SMAP1: variants seen among roughly 807,000 people sequenced by gnomAD.
SMAP1 encodes stromal membrane-associated protein 1.
Under a neutral mutation model 58.5 loss-of-function variants are expected in SMAP1, and 24 were observed. The ratio of observed to expected loss-of-function variants is 0.41; its 90% CI spans 0.30 to 0.58. SMAP1 has a LOEUF of 0.58. Among genes scored for constraint, SMAP1 ranks in the 20% least tolerant of loss-of-function variants. The pLI is 0.29. For missense variants in SMAP1, 563 were observed against 566.3 expected (o/e 0.99, Z 0.06); for synonymous variants, 216 against 196.6 (o/e 1.10, Z -0.82).
chr6:70,861,492 G>A lies in SMAP1; in HGVS notation c.*1158G>A. ...ACATTTTGTACCAACCATCCAATTAGCTTATGTTAACTGACAAGCTCCATT... is the reference window on the plus strand; with the variant it reads ...ACATTTTGTACCAACCATCCAATTAACTTATGTTAACTGACAAGCTCCATT... On this transcript the variant is annotated 3_prime_UTR_variant, in exon 11 of 11. Transcript: ENST00000370455. 1.6e-6 allele frequency: 1 copy of A among 612,574 alleles called. No homozygotes were observed. Among genetic ancestry groups the A allele is most frequent in the East Asian group, 2.8e-5 (1 of 36,004 alleles). The allele number at this position is 612,574 out of a possible 1,614,324, so 37.9% of individuals were successfully genotyped here. A position where few individuals can be genotyped will look rare whatever the true frequency, so the allele number is the denominator to read the frequency against.
intron 7 of SMAP1, chr6:70,838,010 T>A (rs1474992000): frequency 1.2e-6 from 1 of 843,558 alleles, no homozygotes; most frequent in East Asian, 1.2e-4. Flanking sequence ...AGTTGTGTAT[T>A]AGAAATATAA....
intron 6 of SMAP1, among the ~76,000 whole-genome samples, chr6:70,835,460 T>C (rs944197000): frequency 6.6e-6 from 1 of 152,136 alleles, no homozygotes; most frequent in African/African-American, 2.4e-5. Context: ...GAAGAAATGA[T>C]CTTGAAATGG....
chr6:70,842,952 G>T (rs749614196), intron 7 of SMAP1, among the ~76,000 whole-genome samples: 3 of 152,118 alleles, frequency 2.0e-5, no homozygotes, highest in Non-Finnish European at 4.4e-5. Flanking sequence ...CCCAGGGTAC[G>T]CTTGGTCAGA....
intron 1 of SMAP1, among the ~76,000 whole-genome samples, chr6:70,727,985 C>T (rs1341175460): frequency 1.3e-5 from 2 of 152,068 alleles, no homozygotes; most frequent in African/African-American, 4.8e-5. Context: ...ATCACTTGAG[C>T]CTGGGAGGCA....
chr6:70,706,702 G>A (rs528459264), intron 1 of SMAP1, among the ~76,000 whole-genome samples: 14 of 152,150 alleles, frequency 9.2e-5, no homozygotes, highest in South Asian at 4.1e-4. Flanking sequence ...TTAAACTTTC[G>A]TTGTACCACC....
chr6:70,769,281 G>A (rs1767157481), intron 3 of SMAP1, among the ~76,000 whole-genome samples: 1 of 152,162 alleles, frequency 6.6e-6, no homozygotes. Context: ...TTGGTGCAGA[G>A]CTGAGTTCAA....
At chr6:70,702,132 A>T (rs1402553932) in intron 1 of SMAP1, among the ~76,000 whole-genome samples, 1 of 151,910 alleles carries the variant, frequency 6.6e-6, no homozygotes, top group East Asian at 1.9e-4. Flanking sequence ...GCTTCTTTTA[A>T]GATTTTTTTC....
At chr6:70,859,309 A>G in intron 10 of SMAP1, 1 of 1,536,728 alleles carries the variant, frequency 6.5e-7, no homozygotes, top group South Asian at 1.2e-5. Context: ...GAAGGAGTTA[A>G]TACTGGCTCT....
chr6:70,843,622 T>C (rs529984109), intron 7 of SMAP1, among the ~76,000 whole-genome samples: 1 of 152,204 alleles, frequency 6.6e-6, no homozygotes, highest in Non-Finnish European at 1.5e-5. Context: ...AATAAAACTC[T>C]AACAGGTGAG....
chr6:70,669,934 C>CT (rs1467879047), intron 1 of SMAP1, among the ~76,000 whole-genome samples: 1 of 151,760 alleles, frequency 6.6e-6, no homozygotes, highest in Non-Finnish European at 1.5e-5. Context: ...TTTTTAAAAG[C>CT]CATTATTAAC....
chr6:70,808,521 A>T (rs567716854), intron 6 of SMAP1, among the ~76,000 whole-genome samples: 5 of 152,308 alleles, frequency 3.3e-5, no homozygotes, highest in African/African-American at 1.2e-4. Context: ...TCAGGTGGAG[A>T]GCCAGGCTCC....
intron 6 of SMAP1, among the ~76,000 whole-genome samples, chr6:70,821,573 T>C (rs1769893081): frequency 6.6e-6 from 1 of 152,176 alleles, no homozygotes; most frequent in Non-Finnish European, 1.5e-5. Flanking sequence ...GAAAAAATAT[T>C]GACTACTACG....
At chr6:70,785,996 C>T (rs1260640018) in intron 4 of SMAP1, among the ~76,000 whole-genome samples, 1 of 152,094 alleles carries the variant, frequency 6.6e-6, no homozygotes, top group African/African-American at 2.4e-5. Context: ...AGAGACACAA[C>T]CAAAAAAGAG....
At chr6:70,719,790 A>G (rs1167521043) in intron 1 of SMAP1, among the ~76,000 whole-genome samples, 1 of 152,158 alleles carries the variant, frequency 6.6e-6, no homozygotes, top group Non-Finnish European at 1.5e-5. Flanking sequence ...CATGAGACTT[A>G]TTAACTATAA....
chr6:70,846,429 G>A lies in SMAP1; in HGVS notation c.665-6111G>A, dbSNP rs538784997. ...GGGGCTATAAAAGTGGTGCCAGCGA[G>A]GAGTAAAGAGGCTTCTGGAGTACTG... On this transcript the variant is annotated intron_variant, in intron 7 of 10. Coordinates refer to ENST00000370455, the MANE Select transcript of SMAP1 (RefSeq NM_001044305.3). Among the ~76,000 whole-genome samples, 3 of 152,294 alleles carry A rather than the reference G, an allele frequency of 2.0e-5. No individual in the cohort carries two copies. The South Asian group carries it at 6.2e-4, about 32-fold the overall frequency.
At position 70,667,883 on chromosome 6, in the gene SMAP1, C is replaced by T. The variant is rs1482251018; in HGVS notation, c.-141C>T. The T allele has an allele frequency of 1.6e-6, 1 of 622,418 alleles. No individual in the cohort carries two copies. Among genetic ancestry groups the T allele is most frequent in the African/African-American group, 2.0e-5 (1 of 50,894 alleles). The allele number at this position is 622,418 out of a possible 1,614,324, so 38.6% of individuals were successfully genotyped here. ...ACCGCCACCGCCGCCGCCGCCCCTCCTCCCGTTCCAGCTGCCGCTGCCGCT... is the reference window on the plus strand; with the variant it reads ...ACCGCCACCGCCGCCGCCGCCCCTCTTCCCGTTCCAGCTGCCGCTGCCGCT... On this transcript the variant is annotated 5_prime_UTR_variant, in exon 1 of 11. Coordinates refer to ENST00000370455, the MANE Select transcript of SMAP1 (RefSeq NM_001044305.3).
At chr6:70,824,459 GC>G (rs1770027777) in intron 6 of SMAP1, among the ~76,000 whole-genome samples, 1 of 151,766 alleles carries the variant, frequency 6.6e-6, no homozygotes, top group African/African-American at 2.4e-5. Context: ...AAAATATAAA[GC>G]TTTTTTTTCT....
At chr6:70,818,811 G>A (rs971882091) in intron 6 of SMAP1, among the ~76,000 whole-genome samples, 11 of 152,002 alleles carry the variant, frequency 7.2e-5, no homozygotes, top group African/African-American at 2.4e-4. Flanking sequence ...TGCTAGTAAC[G>A]TTTCCCCAAT....
At chr6:70,756,733 CAGAG>C (rs935588410) in intron 3 of SMAP1, among the ~76,000 whole-genome samples, 2 of 152,084 alleles carry the variant, frequency 1.3e-5, no homozygotes, top group African/African-American at 2.4e-5. Flanking sequence ...AACAGACAAA[CAGAG>C]AGCCAAATCA....
Sources: allele counts gnomAD v4.1 joint callset (sites outside exome capture counted in the v4.1 genomes callset), GRCh38; gene constraint gnomAD v4.1.1; transcripts MANE v1.5; gene names NCBI Gene and HGNC (gene_info 2026-07-23, HGNC 2026-07-21).